Variants in PCGF5 observed in about 807,000 individuals in gnomAD.
The protein encoded by PCGF5 is polycomb group ring finger 5.
In PCGF5, 9 loss-of-function variants were observed where a neutral mutation model predicts 44.3. The observed-to-expected ratio is 0.20, with a 90% CI of 0.12 to 0.35. The LOEUF is 0.35. Ranked by LOEUF, PCGF5 falls within the 10% of genes least tolerant of loss-of-function variation. The pLI is 1.00. For missense variants in PCGF5, 146 were observed against 305.3 expected, an observed-to-expected ratio of 0.48 and a Z score of 3.89; for synonymous variants, 95 against 102.5, an observed-to-expected ratio of 0.93 and a Z score of 0.44.
chr10:91,186,259 G>A (rs958724188), intron 1 of PCGF5, among the ~76,000 whole-genome samples: 11 of 152,172 alleles, frequency 7.2e-5, no homozygotes, highest in Non-Finnish European at 1.0e-4. Flanking sequence ...CACAGCTGTG[G>A]TGTACCAGGC....
intron 3 of PCGF5, among the ~76,000 whole-genome samples, chr10:91,244,947 T>G (rs1845422303): frequency 6.6e-6 from 1 of 152,138 alleles, no homozygotes; most frequent in African/African-American, 2.4e-5. Flanking sequence ...GATATATGTG[T>G]CTAGAACTCA....
chr10:91,266,028 C>T (rs928445907), intron 8 of PCGF5, among the ~76,000 whole-genome samples: 1 of 152,176 alleles, frequency 6.6e-6, no homozygotes, highest in African/African-American at 2.4e-5. Flanking sequence ...ATTGTACATA[C>T]ATCAATCACC....
At chr10:91,241,165 C>T (rs1845315225) in intron 3 of PCGF5, among the ~76,000 whole-genome samples, 1 of 151,844 alleles carries the variant, frequency 6.6e-6, no homozygotes, top group African/African-American at 2.4e-5. Flanking sequence ...ACCTCCACCT[C>T]CCAGGTTCAG....
chr10:91,243,580 C>T (rs771461366), intron 3 of PCGF5, among the ~76,000 whole-genome samples: 4 of 152,086 alleles, frequency 2.6e-5, no homozygotes, highest in Non-Finnish European at 5.9e-5. Flanking sequence ...GCCTGGGGAA[C>T]AAGCAGTCTG....
At chr10:91,173,059 G>GA (rs1843638751) in intron 1 of PCGF5, among the ~76,000 whole-genome samples, 1 of 152,086 alleles carries the variant, frequency 6.6e-6, no homozygotes, top group Non-Finnish European at 1.5e-5. Context: ...TGTAGTGTAG[G>GA]AAAAAAATTA....
At position 91,283,650 on chromosome 10, in the gene PCGF5, G is replaced by C. The variant is rs537504227; in HGVS notation, c.*5334G>C. 6.6e-6 allele frequency: 1 copy of C among 152,292 alleles called. No homozygotes were observed. Among genetic ancestry groups the C allele is most frequent in the East Asian group, 1.9e-4 (1 of 5,194 alleles). 9.4% of individuals were successfully genotyped at this position (152,292 alleles called of 1,614,324 possible). On this transcript the variant is annotated 3_prime_UTR_variant, in exon 10 of 10. Coordinates refer to ENST00000336126, the MANE Select transcript of PCGF5 (RefSeq NM_032373.5). ...CTTTTGTTGTATTTTTTAGAATGGG[G>C]GTGGGGGCCTAAGTGTCCTTATGAA...
chr10:91,249,718 G>A (rs1049024545), intron 5 of PCGF5, among the ~76,000 whole-genome samples: 3 of 151,644 alleles, frequency 2.0e-5, no homozygotes, highest in Non-Finnish European at 4.4e-5. Context: ...TTAGAGCAGG[G>A]GAAGTTTGAG....
chr10:91,266,176 C>A lies in PCGF5; in HGVS notation c.663+1656C>A, dbSNP rs567178259. ...AATATTGTGTTGAATGTAACTTCAG[C>A]TTTCTTTGATAGTTTAGCGGGCATT... On this transcript the variant is annotated intron_variant, in intron 8 of 9. Transcript: ENST00000336126. Among the ~76,000 whole-genome samples the A allele has an allele frequency of 3.3e-5, 5 of 152,204 alleles. No homozygotes were observed. The East Asian group carries it at 9.7e-4, about 29-fold the overall frequency.
At chr10:91,248,456 G>A (rs1460948934) in intron 3 of PCGF5, 49 bp from the exon 4 acceptor site, 1 of 1,485,396 alleles carries the variant, frequency 6.7e-7, no homozygotes, top group Non-Finnish European at 9.4e-7. Context: ...TTACATGTCA[G>A]ATCTTGGTGT....
At chr10:91,166,954 T>G (rs1310228632) in intron 1 of PCGF5, among the ~76,000 whole-genome samples, 1 of 152,170 alleles carries the variant, frequency 6.6e-6, no homozygotes, top group Non-Finnish European at 1.5e-5. Flanking sequence ...AAGTTTCAGT[T>G]TTTTCAATCG....
At position 91,279,475 on chromosome 10, in the gene PCGF5, T is replaced by A. The variant is rs914406251; in HGVS notation, c.*1159T>A. On this transcript the variant is annotated 3_prime_UTR_variant, in exon 10 of 10. Transcript: ENST00000336126. Reference sequence around the variant, plus strand: ...AGTAATTGGGGAAATGAGAAGATTATTATTTTATACATGAGTTCATTAAGA... The same window carrying A: ...AGTAATTGGGGAAATGAGAAGATTAATATTTTATACATGAGTTCATTAAGA... 2.0e-5 allele frequency: 3 copies of A among 152,176 alleles called. No homozygotes were observed. Among genetic ancestry groups the A allele is most frequent in the Admixed American group, 1.3e-4 (2 of 15,276 alleles). The allele number at this position is 152,176 out of a possible 1,614,324, so 9.4% of individuals were successfully genotyped here. A position where few individuals can be genotyped will look rare whatever the true frequency, so the allele number is the denominator to read the frequency against.
intron 2 of PCGF5, among the ~76,000 whole-genome samples, chr10:91,228,931 C>T (rs1182674511): frequency 1.3e-5 from 2 of 152,192 alleles, no homozygotes; most frequent in Non-Finnish European, 2.9e-5. Flanking sequence ...AGGTGATTCT[C>T]TGGTACACTA....
At chr10:91,252,590 G>A (rs1845647798) in intron 6 of PCGF5, among the ~76,000 whole-genome samples, 1 of 151,978 alleles carries the variant, frequency 6.6e-6, no homozygotes, top group Admixed American at 6.6e-5. Context: ...GTAATAAAGT[G>A]CATCTATCTT....
chr10:91,255,180 G>T (rs1317181999), intron 6 of PCGF5, among the ~76,000 whole-genome samples: 1 of 152,084 alleles, frequency 6.6e-6, no homozygotes, highest in South Asian at 2.1e-4. Context: ...GTGGGTGGGG[G>T]AAAGGGGCAT....
upstream of PCGF5, among the ~76,000 whole-genome samples, chr10:91,218,043 TC>T (rs771719255): frequency 9.9e-5 from 15 of 152,220 alleles, no homozygotes; most frequent in Non-Finnish European, 1.3e-4. Flanking sequence ...CGCCTTGGCC[TC>T]CCAAAGTGCT....
intron 1 of PCGF5, among the ~76,000 whole-genome samples, chr10:91,221,380 T>C (rs546985955): frequency 1.3e-4 from 20 of 152,204 alleles, no homozygotes; most frequent in African/African-American, 2.6e-4. Context: ...TCCCAACTTA[T>C]AGAGGAGGAA....
At chr10:91,270,884 A>G (rs1236685994) in intron 8 of PCGF5, among the ~76,000 whole-genome samples, 1 of 152,026 alleles carries the variant, frequency 6.6e-6, no homozygotes, top group African/African-American at 2.4e-5. Context: ...TACATTTAAT[A>G]AGAGTTTAGC....
At chr10:91,184,072 G>C (rs1163819299) in intron 1 of PCGF5, among the ~76,000 whole-genome samples, 1 of 151,888 alleles carries the variant, frequency 6.6e-6, no homozygotes, top group Non-Finnish European at 1.5e-5. Flanking sequence ...ATCTTACTGG[G>C]GTTCTCTGCA....
In PCGF5 at chr10:91,278,495, C is replaced by A; in HGVS notation, c.*179C>A. ...TCATGTTGTTTCTATTAGGAGCAAA[C>A]CAAGTGCCATTCTGCTACTGAACCA... On this transcript the variant is annotated 3_prime_UTR_variant, in exon 10 of 10. Transcript: ENST00000336126. 1.6e-6 allele frequency: 1 copy of A among 613,002 alleles called. No homozygotes were observed. The highest frequency in any genetic ancestry group is 2.7e-5 in the Admixed American group (1 of 37,424). 38.0% of individuals were successfully genotyped at this position (613,002 alleles called of 1,614,324 possible). A position where few individuals can be genotyped will look rare whatever the true frequency, so the allele number is the denominator to read the frequency against.
Sources: gnomAD v4.1 joint callset for allele counts (sites outside exome capture counted in the v4.1 genomes callset) on GRCh38, gnomAD v4.1.1 for gene constraint, MANE v1.5 for transcripts, NCBI Gene and HGNC (gene_info 2026-07-23, HGNC 2026-07-21) for gene names.